PTPRK: variants seen among roughly 807,000 people sequenced by gnomAD.
The protein encoded by PTPRK is receptor-type tyrosine-protein phosphatase kappa.
A neutral mutation model predicts 178.0 loss-of-function variants in PTPRK; 75 were observed. The observed-to-expected ratio is 0.42, with a 90% CI of 0.35 to 0.51. The LOEUF is 0.51. Ranked by LOEUF, PTPRK falls within the 20% of genes least tolerant of loss-of-function variation. PTPRK has a pLI of 0.02. For missense variants in PTPRK, 1,441 were observed against 1,797.8 expected, an observed-to-expected ratio of 0.80 and a Z score of 3.59; for synonymous variants, 637 against 620.6, an observed-to-expected ratio of 1.03 and a Z score of -0.39.
chr6:128,248,454 G>A (rs964157333), intron 3 of PTPRK, among the ~76,000 whole-genome samples: 4 of 152,000 alleles, frequency 2.6e-5, no homozygotes, highest in African/African-American at 9.7e-5. Context: ...GCTACAATGA[G>A]GACAGAGGGA....
intron 2 of PTPRK, among the ~76,000 whole-genome samples, chr6:128,362,723 A>C (rs1043998010): frequency 6.6e-6 from 1 of 152,218 alleles, no homozygotes; most frequent in Non-Finnish European, 1.5e-5. Context: ...TTGTTAGATT[A>C]AAATTTGAAA....
At chr6:128,194,098 T>G (rs1225837889) in intron 6 of PTPRK, among the ~76,000 whole-genome samples, 2 of 145,248 alleles carry the variant, frequency 1.4e-5, no homozygotes, top group Non-Finnish European at 3.0e-5. Context: ...TTATTATTAT[T>G]ATTAGGAAAC....
rs750423577 is a variant in PTPRK, at chr6:128,422,676, CAAAAAAA to C, written c.101-24995_101-24989del. Among the ~76,000 whole-genome samples, 48 of 14,716 alleles carry C rather than the reference CAAAAAAA, an allele frequency of 3.3e-3. 1 individual carries two copies. Among genetic ancestry groups the C allele is most frequent in the African/African-American group, 7.1e-3 (43 of 6,038 alleles). The allele number at this position is 14,716 out of a possible 152,430, so 9.7% of individuals were successfully genotyped here. A position where few individuals can be genotyped will look rare whatever the true frequency, so the allele number is the denominator to read the frequency against. ...AATAGTTTTTAACATTTCACGGACG[CAAAAAAA>C]AAAAAAAAAAAAAAAAAAAAACCTG... On this transcript the variant is annotated intron_variant, in intron 1 of 29. Coordinates refer to ENST00000368226, the MANE Select transcript of PTPRK (RefSeq NM_002844.4).
chr6:128,001,063 T>C, intron 15 of PTPRK: 1 of 628,856 alleles, frequency 1.6e-6, no homozygotes, highest in Non-Finnish European at 2.5e-6. Flanking sequence ...TCCACCTCAT[T>C]AAACCACCTA....
At chr6:128,381,787 T>C (rs959104913) in intron 2 of PTPRK, among the ~76,000 whole-genome samples, 4 of 152,214 alleles carry the variant, frequency 2.6e-5, no homozygotes, top group African/African-American at 4.8e-5. Context: ...AAATTCAGGT[T>C]ACTCAGGTTC....
At chr6:128,201,953 G>A (rs934081935) in intron 6 of PTPRK, among the ~76,000 whole-genome samples, 2 of 152,042 alleles carry the variant, frequency 1.3e-5, no homozygotes, top group Non-Finnish European at 2.9e-5. Context: ...GCTTCAAGTA[G>A]CAAGACTAGT....
chr6:128,400,453 T>A (rs1584535646), intron 1 of PTPRK, among the ~76,000 whole-genome samples: 1 of 152,198 alleles, frequency 6.6e-6, no homozygotes, highest in East Asian at 1.9e-4. Flanking sequence ...TACGAAAAGT[T>A]TTAGATGTCA....
chr6:128,383,943 T>G (rs991654621), intron 2 of PTPRK, among the ~76,000 whole-genome samples: 2 of 152,182 alleles, frequency 1.3e-5, no homozygotes, highest in Admixed American at 1.3e-4. Flanking sequence ...CTTAGTCCCA[T>G]ATAAAGTAAA....
chr6:128,497,793 T>C (rs1043719706), intron 1 of PTPRK, among the ~76,000 whole-genome samples: 9 of 151,182 alleles, frequency 6.0e-5, no homozygotes, highest in African/African-American at 2.2e-4. Context: ...TTTTTTTTCC[T>C]TTCTATTAGA....
chr6:128,000,080 A>T (rs949887911), intron 15 of PTPRK: 54 of 711,530 alleles, frequency 7.6e-5, no homozygotes, highest in Non-Finnish European at 8.9e-5. Flanking sequence ...CTTACCACTT[A>T]AAAAAAAAAA....
At chr6:127,980,969 T>C (rs1775276520) in intron 25 of PTPRK, 147 bp downstream of exon 25, 2 of 760,864 alleles carry the variant, frequency 2.6e-6, no homozygotes, top group South Asian at 2.5e-5. Context: ...CCTAAAATCA[T>C]TTTCCAAAAA....
At chr6:128,424,420 G>C (rs1843858003) in intron 1 of PTPRK, among the ~76,000 whole-genome samples, 1 of 152,148 alleles carries the variant, frequency 6.6e-6, no homozygotes, top group Non-Finnish European at 1.5e-5. Context: ...AAGGAAGTAA[G>C]ATTTTGCTTG....
chr6:128,397,453 C>G (rs1562437897), intron 2 of PTPRK, 113 bp downstream of exon 2: 1 of 1,334,200 alleles, frequency 7.5e-7, no homozygotes, highest in African/African-American at 1.5e-5. Flanking sequence ...TCCAGTAGCA[C>G]AATAATTTAG....
At chr6:128,506,100 G>C (rs903241902) in intron 1 of PTPRK, among the ~76,000 whole-genome samples, 1 of 152,218 alleles carries the variant, frequency 6.6e-6, no homozygotes, top group Non-Finnish European at 1.5e-5. Flanking sequence ...AGAAGCAATA[G>C]TGATATTCCT....
chr6:128,038,532 A>G (rs1353827754), intron 13 of PTPRK, among the ~76,000 whole-genome samples: 1 of 152,138 alleles, frequency 6.6e-6, no homozygotes, highest in Admixed American at 6.6e-5. Flanking sequence ...GCTCCACTCA[A>G]TGACAATGTC....
chr6:128,071,298 T>C (rs1782782204), intron 11 of PTPRK, among the ~76,000 whole-genome samples: 3 of 152,014 alleles, frequency 2.0e-5, no homozygotes, highest in African/African-American at 7.2e-5. Context: ...CCTGTGACTG[T>C]CCATGGTAAG....
chr6:128,369,451 G>A (rs905928200), intron 2 of PTPRK, among the ~76,000 whole-genome samples: 4 of 152,040 alleles, frequency 2.6e-5, no homozygotes, highest in African/African-American at 9.7e-5. Flanking sequence ...TGATAAATAG[G>A]AGTTTAAGTT....
At chr6:128,396,828 C>T (rs1840371508) in intron 2 of PTPRK, among the ~76,000 whole-genome samples, 2 of 151,822 alleles carry the variant, frequency 1.3e-5, no homozygotes, top group Non-Finnish European at 2.9e-5. Context: ...TGAAACCCCG[C>T]CTCCACTAAA....
chr6:128,350,699 G>T (rs749487630), intron 2 of PTPRK, among the ~76,000 whole-genome samples: 1 of 152,158 alleles, frequency 6.6e-6, no homozygotes, highest in Non-Finnish European at 1.5e-5. Context: ...TGCAAACACT[G>T]GGCCTATACG....
Sources: allele counts gnomAD v4.1 joint callset (sites outside exome capture counted in the v4.1 genomes callset), GRCh38; gene constraint gnomAD v4.1.1; transcripts MANE v1.5; gene names NCBI Gene and HGNC (gene_info 2026-07-23, HGNC 2026-07-21).